Variants in BRD7 observed in about 807,000 individuals in gnomAD.
The protein encoded by BRD7 is bromodomain-containing protein 7.
Under a neutral mutation model 82.1 loss-of-function variants are expected in BRD7, and 15 were observed. The observed-to-expected ratio is 0.18, with a 90% CI of 0.12 to 0.28. The LOEUF is 0.28. Among genes scored for constraint, BRD7 ranks in the 10% least tolerant of loss-of-function variants. The probability of loss-of-function intolerance (pLI) is 1.00; values close to 1 mark genes in which losing one functional copy is unlikely to be tolerated. For synonymous variants in BRD7, 232 were observed against 266.9 expected, an observed-to-expected ratio of 0.87 and a Z score of 1.27; for missense variants, 638 against 779.9, an observed-to-expected ratio of 0.82 and a Z score of 2.17.
intron 11 of BRD7, among the ~76,000 whole-genome samples, chr16:50,325,459 C>T (rs771180433): frequency 1.1e-4 from 17 of 152,128 alleles, no homozygotes; most frequent in Non-Finnish European, 1.9e-4. Flanking sequence ...GGCACATCAA[C>T]GTTTTGAAGT....
At chr16:50,323,340 C>T (rs2037197227) in intron 12 of BRD7, among the ~76,000 whole-genome samples, 1 of 152,152 alleles carries the variant, frequency 6.6e-6, no homozygotes, top group Admixed American at 6.5e-5. Flanking sequence ...GTTGTAAACC[C>T]CATTTTTGAG....
intron 9 of BRD7, 98 bp downstream of exon 9, chr16:50,328,571 T>C: frequency 1.0e-6 from 1 of 994,260 alleles, no homozygotes; most frequent in South Asian, 1.5e-5. Flanking sequence ...TGACACAGAC[T>C]GATCAATATT....
At chr16:50,362,510 C>T (rs1328362797) in intron 2 of BRD7, among the ~76,000 whole-genome samples, 2 of 149,388 alleles carry the variant, frequency 1.3e-5, no homozygotes, top group African/African-American at 2.5e-5. Flanking sequence ...TCATGTTCCT[C>T]GCAGCATTAT....
At chr16:50,358,263 C>T (rs1283525348) in intron 2 of BRD7, among the ~76,000 whole-genome samples, 1 of 149,784 alleles carries the variant, frequency 6.7e-6, no homozygotes, top group Admixed American at 6.7e-5. Context: ...GGTGGCTCAC[C>T]CCTGTCATCC....
intron 4 of BRD7, among the ~76,000 whole-genome samples, chr16:50,351,340 C>T (rs1161088656): frequency 2.0e-5 from 3 of 152,184 alleles, no homozygotes; most frequent in Non-Finnish European, 4.4e-5. Context: ...TTTTTCACAG[C>T]AGGATGCCTA....
chr16:50,342,683 A>T (rs533937529), intron 5 of BRD7, among the ~76,000 whole-genome samples: 2 of 152,200 alleles, frequency 1.3e-5, no homozygotes, highest in African/African-American at 4.8e-5. Context: ...GGCCTCCGGA[A>T]GTGCTGGGAT....
At chr16:50,321,566 CAAAAAAAAAAA>C (rs60824563) in intron 13 of BRD7, among the ~76,000 whole-genome samples, 1 of 67,458 alleles carries the variant, frequency 1.5e-5, no homozygotes, top group Admixed American at 2.0e-4. Context: ...GACTCCATCT[CAAAAAAAAAAA>C]AAAAAAAAAA....
chr16:50,353,026 T>C (rs2038596566), intron 4 of BRD7, among the ~76,000 whole-genome samples: 1 of 151,894 alleles, frequency 6.6e-6, no homozygotes, highest in African/African-American at 2.4e-5. Context: ...AAAGACTAGA[T>C]GTAATTTTTC....
chr16:50,335,037 G>A (rs1026130569), intron 6 of BRD7, 142 bp from the exon 7 acceptor site: 1 of 825,380 alleles, frequency 1.2e-6, no homozygotes, highest in Admixed American at 3.1e-5. Context: ...TACCAAGAGA[G>A]TATTGTATTT....
intron 7 of BRD7, among the ~76,000 whole-genome samples, chr16:50,334,045 A>C (rs2037685935): frequency 1.3e-5 from 2 of 152,248 alleles, no homozygotes; most frequent in Non-Finnish European, 1.5e-5. Context: ...TAAAACAAGC[A>C]CTTAAGTGTG....
intron 5 of BRD7, among the ~76,000 whole-genome samples, chr16:50,345,533 G>A (rs1164838301): frequency 6.6e-6 from 1 of 152,116 alleles, no homozygotes; most frequent in Non-Finnish European, 1.5e-5. Flanking sequence ...CATCTCATGT[G>A]CAGAGACACA....
At chr16:50,348,089 C>A (rs1195253703) in intron 5 of BRD7, among the ~76,000 whole-genome samples, 1 of 152,106 alleles carries the variant, frequency 6.6e-6, no homozygotes, top group South Asian at 2.1e-4. Context: ...CAGAACAGAG[C>A]ACTCAGAAAT....
At position 50,318,343 on chromosome 16, in the gene BRD7, G is replaced by A. The variant is rs1254051093; in HGVS notation, c.*868C>T. On this transcript the variant is annotated 3_prime_UTR_variant, in exon 17 of 17. Transcript: ENST00000394688. ...AGAAATCAAATGGCTTCCTGCCTGGGTGATTTATAGAAGGATTGTATAAGG... is the reference window on the plus strand; with the variant it reads ...AGAAATCAAATGGCTTCCTGCCTGGATGATTTATAGAAGGATTGTATAAGG... 6.6e-6 allele frequency: 1 copy of A among 152,184 alleles called. No homozygotes were observed. Among genetic ancestry groups the A allele is most frequent in the East Asian group, 1.9e-4 (1 of 5,196 alleles). 9.4% of individuals were successfully genotyped at this position (152,184 alleles called of 1,614,324 possible).
intron 5 of BRD7, among the ~76,000 whole-genome samples, chr16:50,341,937 C>T (rs1336471407): frequency 6.8e-6 from 1 of 146,020 alleles, no homozygotes; most frequent in African/African-American, 2.7e-5. Context: ...TTCACACACA[C>T]ACACACACAC....
intron 6 of BRD7, among the ~76,000 whole-genome samples, chr16:50,335,636 T>C (rs2037766411): frequency 6.6e-6 from 1 of 152,220 alleles, no homozygotes; most frequent in Non-Finnish European, 1.5e-5. Context: ...TGCAACCTCC[T>C]TAGGGCTGCA....
intron 11 of BRD7, among the ~76,000 whole-genome samples, chr16:50,324,892 A>G (rs1201564750): frequency 2.0e-5 from 3 of 152,202 alleles, no homozygotes; most frequent in South Asian, 4.1e-4. Context: ...GTGAGGTCTA[A>G]AAGATTAAAT....
Position 50,317,707 on chromosome 16 carries a change from T to C in BRD7, c.*1504A>G, listed in dbSNP as rs2036869198. ...AAAAATTACCTGCAGGTATTTTCTTTTTATGAACTTGTTTTTAAATTACCA... is the reference window on the plus strand; with the variant it reads ...AAAAATTACCTGCAGGTATTTTCTTCTTATGAACTTGTTTTTAAATTACCA... On this transcript the variant is annotated 3_prime_UTR_variant, in exon 17 of 17. Transcript: ENST00000394688. 6.6e-6 allele frequency: 1 copy of C among 152,336 alleles called. No individual in the cohort carries two copies. The highest frequency in any genetic ancestry group is 1.5e-5 in the Non-Finnish European group (1 of 68,046). 9.4% of individuals were successfully genotyped at this position (152,336 alleles called of 1,614,324 possible). A position where few individuals can be genotyped will look rare whatever the true frequency, so the allele number is the denominator to read the frequency against.
chr16:50,332,064 T>C (rs1232570737), intron 8 of BRD7, among the ~76,000 whole-genome samples: 2 of 152,204 alleles, frequency 1.3e-5, no homozygotes, highest in African/African-American at 4.8e-5. Context: ...AATACTCTTC[T>C]GGACATGGGC....
chr16:50,326,913 T>G (rs2037364816), intron 9 of BRD7, among the ~76,000 whole-genome samples: 1 of 152,174 alleles, frequency 6.6e-6, no homozygotes, highest in Admixed American at 6.5e-5. Flanking sequence ...ATGTCACGTA[T>G]GGGCACCTGA....
Sources: allele counts gnomAD v4.1 joint callset (sites outside exome capture counted in the v4.1 genomes callset), GRCh38; gene constraint gnomAD v4.1.1; transcripts MANE v1.5; gene names NCBI Gene and HGNC (gene_info 2026-07-23, HGNC 2026-07-21).